The following NLRC5 variants were observed in gnomAD, a reference collection of about 807,000 sequenced individuals.
NLRC5 encodes NLR family CARD domain containing 5, also known as protein NLRC5.
Under a neutral mutation model 206.9 loss-of-function variants are expected in NLRC5, and 114 were observed. That is an observed-to-expected ratio of 0.55 (90% CI 0.47 to 0.64). NLRC5 has a LOEUF of 0.64. Among genes scored for constraint, NLRC5 ranks in the 30% least tolerant of loss-of-function variants. The probability of loss-of-function intolerance (pLI) is 0.00; values close to 1 mark genes in which losing one functional copy is unlikely to be tolerated. For missense variants in NLRC5, 2,008 were observed against 2,305.5 expected (o/e 0.87, Z 2.64); for synonymous variants, 952 against 962.8 (o/e 0.99, Z 0.21).
chr16:57,055,104 C>G lies in NLRC5; in HGVS notation c.3659+10C>G, dbSNP rs1158277735. ...AAGGCGTGTGCTGTGGGTAAGCCCC[C>G]TTGAACCATGCCTAGGCAGCTAGTT... On this transcript the variant is annotated intron_variant, in intron 26 of 48. Coordinates refer to ENST00000688547, the MANE Select transcript of NLRC5 (RefSeq NM_001384950.1). 36 of 1,613,894 alleles carry G rather than the reference C, an allele frequency of 2.2e-5. 1 individual carries two copies. The highest frequency in any genetic ancestry group is 4.0e-5 in the African/African-American group (3 of 74,934).
At chr16:57,040,784 C>T in intron 17 of NLRC5, 66 bp downstream of exon 17, 1 of 1,492,404 alleles carries the variant, frequency 6.7e-7, no homozygotes, top group African/African-American at 1.4e-5. Context: ...TCAGAGCCTG[C>T]TCCCAAACCT....
chr16:57,040,533 G>A (rs1305140112), intron 16 of NLRC5, 117 bp from the exon 17 acceptor site: 6 of 951,500 alleles, frequency 6.3e-6, no homozygotes, highest in Non-Finnish European at 1.0e-5. Context: ...TGGCACCAAG[G>A]TCTGATTGAC....
chr16:57,046,534 A>G lies in NLRC5; in HGVS notation c.3249-18A>G. The G allele has an allele frequency of 6.2e-7, 1 of 1,608,882 alleles. No homozygotes were observed. Among genetic ancestry groups the G allele is most frequent in the South Asian group, 1.1e-5 (1 of 90,986 alleles). The stretch of plus-strand genomic sequence containing the variant: ...GGGGGTGATCTGAACTTTCCTTTCT[A>G]AATGATCCCCCTCCTAGGGATATGT... On this transcript the variant is annotated intron_variant, in intron 21 of 48. Coordinates refer to ENST00000688547, the MANE Select transcript of NLRC5 (RefSeq NM_001384950.1).
At chr16:57,077,648 A>G in intron 41 of NLRC5, 71 bp from the exon 42 acceptor site, 3 of 1,438,710 alleles carry the variant, frequency 2.1e-6, no homozygotes, top group Non-Finnish European at 2.8e-6. Flanking sequence ...GGGGTGGCAG[A>G]CCCAGCAGAT....
intron 30 of NLRC5, among the ~76,000 whole-genome samples, chr16:57,060,063 A>G (rs1296576060): frequency 1.3e-5 from 2 of 150,418 alleles, no homozygotes; most frequent in Non-Finnish European, 3.0e-5. Flanking sequence ...TATTATCATT[A>G]TCATTACCCC....
Position 57,082,635 on chromosome 16 carries a change from T to C in NLRC5, c.*107T>C. 5.3e-6 allele frequency: 4 copies of C among 758,618 alleles called. No homozygotes were observed. Among genetic ancestry groups the C allele is most frequent in the Non-Finnish European group, 8.7e-6 (4 of 460,148 alleles). The allele number at this position is 758,618 out of a possible 1,614,324, so 47.0% of individuals were successfully genotyped here. ...GGAAAGAAGAGCCTCGGCAGGGCGC[T>C]CTGCACTCCACCCAGGAGGAAGGAT... On this transcript the variant is annotated 3_prime_UTR_variant, in exon 49 of 49. Transcript: ENST00000688547.
Position 57,036,137 on chromosome 16 carries a change from C to T in NLRC5, c.2665C>T (p.Leu889=). The T allele has an allele frequency of 1.9e-6, 3 of 1,613,626 alleles. No individual in the cohort carries two copies. Among genetic ancestry groups the T allele is most frequent in the Non-Finnish European group, 2.5e-6 (3 of 1,179,998 alleles). Residue 889 remains leucine, a synonymous_variant, in exon 14 of 49, where the codon CTG becomes TTG. Coordinates refer to ENST00000688547, the MANE Select transcript of NLRC5 (RefSeq NM_001384950.1). The stretch of plus-strand genomic sequence containing the variant: ...CCAGCTGGAAGATGAAGGCTGTCGG[C>T]TGATGGCAGAGGCTGCATCCCAGCT... ...GNQLEDEGCR[L]MAEAASQLHI... is the part of the protein sequence containing the mutation.
At chr16:57,032,522 C>T (rs1017439186) in intron 11 of NLRC5, among the ~76,000 whole-genome samples, 1 of 151,848 alleles carries the variant, frequency 6.6e-6, no homozygotes, top group South Asian at 2.1e-4. Flanking sequence ...AATGCTATTT[C>T]AATTTAAATA....
rs1394689881 is a variant in NLRC5, at chr16:57,042,061, T to A, written c.3109T>A (p.Leu1037Met). 6.5e-7 allele frequency: 1 copy of A among 1,542,908 alleles called. No homozygotes were observed. Among genetic ancestry groups the A allele is most frequent in the Non-Finnish European group, 8.7e-7 (1 of 1,147,612 alleles). ...LLPGLGALQS[L>M]NLSENGLSLD... ...CCCAGGGCTGGGAGCTCTGCAGTCC[T>A]TGAAGTGAGTAGCCCGCTAGGCAGA... The change falls in exon 19 of 49, where the codon TTG (leucine) becomes ATG (methionine). Residue 1037 changes from leucine (L) to methionine (M), a missense_variant. Coordinates refer to ENST00000688547, the MANE Select transcript of NLRC5 (RefSeq NM_001384950.1).
intron 4 of NLRC5, 34 bp downstream of exon 4, chr16:57,022,349 G>A: frequency 2.5e-6 from 4 of 1,584,336 alleles, no homozygotes; most frequent in Non-Finnish European, 3.5e-6. Flanking sequence ...GGAAGGGGGT[G>A]GTGAGCACTG....
At chr16:57,044,212 G>A (rs1461296567) in intron 20 of NLRC5, among the ~76,000 whole-genome samples, 2 of 151,712 alleles carry the variant, frequency 1.3e-5, no homozygotes, top group Non-Finnish European at 2.9e-5. Context: ...TCAGGAGTCA[G>A]GAGAATCACT....
intron 28 of NLRC5, chr16:57,058,392 G>T: frequency 1.9e-6 from 1 of 533,488 alleles, no homozygotes; most frequent in South Asian, 2.2e-5. Flanking sequence ...TCGTGGCAGG[G>T]TGACACACCC....
At chr16:57,043,883 A>ATT (rs11477564) in intron 20 of NLRC5, 1 of 386,510 alleles carries the variant, frequency 2.6e-6, no homozygotes, top group Non-Finnish European at 4.7e-6. Flanking sequence ...GTCCTTAGAG[A>ATT]TTTTTTTTTT....
intron 23 of NLRC5, among the ~76,000 whole-genome samples, chr16:57,049,758 AAAT>A (rs2064595518): frequency 6.6e-6 from 1 of 151,450 alleles, no homozygotes; most frequent in South Asian, 2.1e-4. Context: ...ATAAATAAAT[AAAT>A]AAATAAATAA....
chr16:57,081,380 TC>T, intron 47 of NLRC5, 146 bp from the exon 48 acceptor site: 1 of 890,908 alleles, frequency 1.1e-6, no homozygotes, highest in East Asian at 2.4e-5. Flanking sequence ...CTGCCACCAG[TC>T]CCCTGTTGTC....
At chr16:56,997,120 T>C (rs998083322) in intron 1 of NLRC5, among the ~76,000 whole-genome samples, 2 of 152,036 alleles carry the variant, frequency 1.3e-5, no homozygotes, top group African/African-American at 4.8e-5. Flanking sequence ...AATCTGCCTG[T>C]CTCGGCCTCC....
rs762180163 is a variant in NLRC5 at position 57,058,068 on chromosome 16, C to G, written c.3750C>G (p.Leu1250=). 1.4e-5 allele frequency: 22 copies of G among 1,611,922 alleles called. No homozygotes were observed. The highest frequency in any genetic ancestry group is 1.7e-5 in the Admixed American group (1 of 59,808). The change falls in exon 28 of 49, where the codon CTC becomes CTG. Residue 1250 remains leucine, a synonymous_variant. Transcript: ENST00000688547. ...CACTGCTCCTTACCCCCTACAGTCT[C>G]TCAGCAAACCTGCTGGGCGACAGCG... ...SKCKDLSQVD[L]SANLLGDSGL...
At position 57,081,615 on chromosome 16, in the gene NLRC5, C is replaced by T; in HGVS notation, c.5489+5C>T. The T allele has an allele frequency of 6.2e-7, 1 of 1,612,828 alleles. No individual in the cohort carries two copies. The highest frequency in any genetic ancestry group is 8.5e-7 in the Non-Finnish European group (1 of 1,178,930). ...GTCTAGCATCCAAGTCATCCGGTAACAGAGGCCTGCAGGGGCAGGGATGGT... is the reference window on the plus strand; with the variant it reads ...GTCTAGCATCCAAGTCATCCGGTAATAGAGGCCTGCAGGGGCAGGGATGGT... On this transcript the variant is annotated splice_donor_5th_base_variant and intron_variant, in intron 48 of 48. Transcript: ENST00000688547.
In NLRC5 at chr16:57,051,629, G is replaced by A. The variant is rs781647502; in HGVS notation, c.3506+8G>A. On this transcript the variant is annotated splice_region_variant and intron_variant, in intron 24 of 48. Coordinates refer to ENST00000688547, the MANE Select transcript of NLRC5 (RefSeq NM_001384950.1). ...TCAGCTGAGCCTGCTGCAGTAAGAC[G>A]AGAGTTTTTCCTATTTCCCGGTTCC... 18 of 1,610,678 alleles carry A rather than the reference G, an allele frequency of 1.1e-5. No homozygotes were observed. The African/African-American group carries it at 1.5e-4, about 13-fold the overall frequency.
Sources: gnomAD v4.1 joint callset for allele counts (sites outside exome capture counted in the v4.1 genomes callset) on GRCh38, gnomAD v4.1.1 for gene constraint, MANE v1.5 for transcripts, NCBI Gene and HGNC (gene_info 2026-07-23, HGNC 2026-07-21) for gene names.